Variants in ANK2 observed in about 807,000 individuals in gnomAD.
The protein encoded by ANK2 is ankyrin-2.
Under a neutral mutation model 360.5 loss-of-function variants are expected in ANK2, and 83 were observed. The ratio of observed to expected loss-of-function variants is 0.23; its 90% confidence interval spans 0.19 to 0.28. The LOEUF (loss-of-function observed/expected upper bound fraction) is 0.28. Ranked by LOEUF, ANK2 falls within the 10% of genes least tolerant of loss-of-function variation. ANK2 has a pLI of 1.00. For synonymous variants in ANK2, 1,740 were observed against 1,759.5 expected (o/e 0.99, Z 0.28); for missense variants, 4,201 against 4,795.7 (o/e 0.88, Z 3.66).
rs754601230 is a variant in ANK2 at position 113,292,483 on chromosome 4, A to G, written c.2345A>G (p.Gln782Arg). 9 of 1,611,700 alleles carry G rather than the reference A, an allele frequency of 5.6e-6. 1 individual carries two copies. The Middle Eastern group carries it at 5.0e-4, about 89-fold the overall frequency. ...ACGCACATCATCAACGTCCTGCTCC[A>G]GCATGGGGCCAAGCCCAACGCCACC... is the stretch of plus-strand genomic sequence containing the variant. ...GHTHIINVLL[Q>R]HGAKPNATTA... The change falls in exon 21 of 46, where the codon CAG becomes CGG. Residue 782 changes from glutamine to arginine, a missense_variant. Gln to Arg is a conservative substitution (Grantham distance 43). Coordinates refer to ENST00000357077, the MANE Select transcript of ANK2 (RefSeq NM_001148.6).
intron 2 of ANK2, among the ~76,000 whole-genome samples, chr4:113,194,625 T>C (rs2098721679): frequency 6.6e-6 from 1 of 152,148 alleles, no homozygotes; most frequent in African/African-American, 2.4e-5. Context: ...TTTTTTAAAA[T>C]CTACCTGATA....
the ANK2 span, among the ~76,000 whole-genome samples, chr4:112,801,602 C>T: frequency 4.6e-5 from 7 of 152,090 alleles, no homozygotes; most frequent in Admixed American, 4.6e-4. Flanking sequence ...AAGTTAAAAC[C>T]TGTGAATTGA....
At chr4:113,031,986 A>G (rs1159399528) in intron 2 of ANK2, among the ~76,000 whole-genome samples, 1 of 152,038 alleles carries the variant, frequency 6.6e-6, no homozygotes, top group Non-Finnish European at 1.5e-5. Context: ...CTGTGTGGTC[A>G]AGTTATAGCT....
At chr4:113,089,883 G>C (rs1015813452) in intron 1 of ANK2, among the ~76,000 whole-genome samples, 3 of 152,104 alleles carry the variant, frequency 2.0e-5, no homozygotes, top group Admixed American at 6.6e-5. Context: ...ACAACCTCCT[G>C]TTCATAGGGC....
intron 2 of ANK2, among the ~76,000 whole-genome samples, chr4:112,951,548 T>G (rs2095000655): frequency 6.6e-6 from 1 of 152,258 alleles, no homozygotes; most frequent in Admixed American, 6.5e-5. Context: ...TTCTTCATTC[T>G]TGTTACTGCC....
chr4:112,836,231 C>T (rs887759604), intron 1 of ANK2, among the ~76,000 whole-genome samples: 2 of 152,144 alleles, frequency 1.3e-5, no homozygotes, highest in Non-Finnish European at 2.9e-5. Flanking sequence ...GGCACTTCCT[C>T]GCTCTCTCTC....
chr4:112,888,506 G>T (rs1225492417), intron 1 of ANK2, among the ~76,000 whole-genome samples: 1 of 152,016 alleles, frequency 6.6e-6, no homozygotes, highest in Admixed American at 6.6e-5. Context: ...CTTCTGGCAA[G>T]TTTTAACATG....
At chr4:112,755,498 G>T in the ANK2 span, among the ~76,000 whole-genome samples, 1 of 152,154 alleles carries the variant, frequency 6.6e-6, no homozygotes, top group East Asian at 1.9e-4. Flanking sequence ...TGGGATAGGC[G>T]GTAGAGTTTG....
chr4:112,710,589 C>G, the ANK2 span, among the ~76,000 whole-genome samples: 19 of 151,804 alleles, frequency 1.3e-4, no homozygotes, highest in African/African-American at 4.1e-4. Context: ...TCCCAGCTAC[C>G]CGGGAGGCTG....
intron 2 of ANK2, among the ~76,000 whole-genome samples, chr4:112,973,164 T>G (rs1479414221): frequency 1.4e-5 from 2 of 147,404 alleles, no homozygotes; most frequent in African/African-American, 5.1e-5. Flanking sequence ...CTCCAAAAAC[T>G]ATTGAAATAA....
At chr4:112,713,640 G>A in the ANK2 span, among the ~76,000 whole-genome samples, 1 of 152,064 alleles carries the variant, frequency 6.6e-6, no homozygotes, top group Non-Finnish European at 1.5e-5. Context: ...GTGCACCTAG[G>A]AATATAAATT....
At chr4:113,001,964 T>C (rs908115675) in intron 2 of ANK2, among the ~76,000 whole-genome samples, 5 of 152,140 alleles carry the variant, frequency 3.3e-5, no homozygotes, top group Admixed American at 3.3e-4. Context: ...ATCTAATGTC[T>C]TAAAAATTCC....
chr4:112,919,881 AC>A (rs879741341), intron 2 of ANK2, among the ~76,000 whole-genome samples: 4 of 152,094 alleles, frequency 2.6e-5, no homozygotes, highest in African/African-American at 9.7e-5. Flanking sequence ...TGTCAGCCTA[AC>A]TATAGCTTTT....
intron 13 of ANK2, among the ~76,000 whole-genome samples, chr4:113,260,298 A>G (rs556688362): frequency 2.0e-5 from 3 of 152,340 alleles, no homozygotes; most frequent in Admixed American, 1.3e-4. Flanking sequence ...TAAAAATAAA[A>G]TATTAATTGA....
the ANK2 span, among the ~76,000 whole-genome samples, chr4:112,768,189 C>A: frequency 6.6e-6 from 1 of 152,130 alleles, no homozygotes; most frequent in South Asian, 2.1e-4. Flanking sequence ...AAATACATTT[C>A]AGTCCTCATC....
intron 1 of ANK2, among the ~76,000 whole-genome samples, chr4:112,830,313 A>G (rs1373731415): frequency 6.6e-6 from 1 of 152,246 alleles, no homozygotes; most frequent in Non-Finnish European, 1.5e-5. Flanking sequence ...GGAATACTAC[A>G]GTCATTAAAA....
chr4:113,029,383 C>T (rs952971910), intron 2 of ANK2, among the ~76,000 whole-genome samples: 10 of 151,978 alleles, frequency 6.6e-5, no homozygotes, highest in Admixed American at 3.9e-4. Context: ...TATAGGCACA[C>T]ACAACTTCAC....
chr4:112,882,966 C>A (rs1163734136), intron 1 of ANK2, among the ~76,000 whole-genome samples: 1 of 141,388 alleles, frequency 7.1e-6, no homozygotes, highest in Non-Finnish European at 1.5e-5. Flanking sequence ...AACTGAATGG[C>A]TGCAATGTGC....
intron 2 of ANK2, among the ~76,000 whole-genome samples, chr4:112,941,735 C>T (rs2094236610): frequency 6.8e-6 from 1 of 146,768 alleles, no homozygotes; most frequent in African/African-American, 2.5e-5. Context: ...ATTATATGAT[C>T]TATACACATA....
Sources: gnomAD v4.1 joint callset for allele counts (sites outside exome capture counted in the v4.1 genomes callset) on GRCh38, gnomAD v4.1.1 for gene constraint, MANE v1.5 for transcripts, NCBI Gene and HGNC (gene_info 2026-07-23, HGNC 2026-07-21) for gene names.